The following PCNT variants were observed in gnomAD, a reference collection of about 807,000 sequenced individuals.
PCNT encodes the protein kendrin.
PCNT carries 319 observed loss-of-function variants against 380.4 expected under a neutral mutation model. The ratio of observed to expected loss-of-function variants is 0.84; its 90% CI spans 0.77 to 0.92. The LOEUF is 0.92. Ranked by LOEUF, PCNT falls within the 40% of genes least tolerant of loss-of-function variation. PCNT has a pLI of 0.00. For synonymous variants in PCNT, 1,845 were observed against 1,735.2 expected, an observed-to-expected ratio of 1.06 and a Z score of -1.57; for missense variants, 4,400 against 4,255.3, an observed-to-expected ratio of 1.03 and a Z score of -0.95.
intron 44 of PCNT, 53 bp downstream of exon 44, chr21:46,442,626 CTT>C (rs775917101): frequency 1.5e-4 from 167 of 1,125,758 alleles, no homozygotes; most frequent in Non-Finnish European, 2.0e-4. Flanking sequence ...TCTTTCTACT[CTT>C]GTTTTTCATT....
At chr21:46,412,722 C>A in intron 28 of PCNT, 115 bp from the exon 29 acceptor site, 1 of 1,094,074 alleles carries the variant, frequency 9.1e-7, no homozygotes, top group Non-Finnish European at 1.4e-6. Context: ...TCACTGCCAC[C>A]TCCCTCTGGC....
chr21:46,393,972 C>A (rs192947560), intron 21 of PCNT, among the ~76,000 whole-genome samples: 12 of 152,328 alleles, frequency 7.9e-5, no homozygotes, highest in African/African-American at 2.9e-4. Context: ...TCTCATGGAG[C>A]CCTTTCGCAG....
chr21:46,400,611 C>CTACCTCAGCTTCCT (rs2086390775), intron 25 of PCNT, among the ~76,000 whole-genome samples: 1 of 137,896 alleles, frequency 7.3e-6, no homozygotes, highest in African/African-American at 2.6e-5. Flanking sequence ...CTCCTCCTCC[C>CTACCTCAGCTTCCT]GGGTTCAAGC....
At chr21:46,324,391 G>A in intron 1 of PCNT, 109 bp downstream of exon 1, 1 of 954,526 alleles carries the variant, frequency 1.0e-6, no homozygotes, top group Non-Finnish European at 1.6e-6. Flanking sequence ...GGCGGAAGCC[G>A]CCGCGGAGGT....
chr21:46,399,760 G>A lies in PCNT; in HGVS notation c.4755G>A (p.Val1585=), dbSNP rs1421202418. 1.2e-6 allele frequency: 2 copies of A among 1,614,090 alleles called. No homozygotes were observed. Among genetic ancestry groups the A allele is most frequent in the Admixed American group, 1.7e-5 (1 of 60,018 alleles). The change falls in exon 25 of 47, where the codon GTG becomes GTA. Residue 1585 remains valine (V), a synonymous_variant. Coordinates refer to ENST00000359568, the MANE Select transcript of PCNT (RefSeq NM_006031.6). ...RKKVAQLQEE[V]EKQKNIVKGL... ...AAGTGGCCCAGCTCCAGGAAGAAGT[G>A]GAAAAACAGAAAAACATCGTGAAAG...
rs1215386323 is a variant in PCNT, at chr21:46,403,257, C to T, written c.5115+774C>T. Among the ~76,000 whole-genome samples the T allele has an allele frequency of 8.6e-5, 11 of 127,430 alleles. 1 individual carries two copies. The highest frequency in any genetic ancestry group is 1.3e-4 in the Non-Finnish European group (8 of 60,224). 83.6% of individuals were successfully genotyped at this position (127,430 alleles called of 152,430 possible). A position where few individuals can be genotyped will look rare whatever the true frequency, so the allele number is the denominator to read the frequency against. On this transcript the variant is annotated intron_variant, in intron 27 of 46. Coordinates refer to ENST00000359568, the MANE Select transcript of PCNT (RefSeq NM_006031.6). ...GCGCATGCTCGGTGAATGAACACAG[C>T]GTGGGAGAATTGTGTGTGTGGTGCC...
intron 21 of PCNT, among the ~76,000 whole-genome samples, chr21:46,395,000 C>T (rs1389211525): frequency 6.6e-6 from 1 of 152,260 alleles, no homozygotes; most frequent in Non-Finnish European, 1.5e-5. Flanking sequence ...TGGTGATGTT[C>T]TGGGCCAAGC....
rs138859869 is a variant in PCNT at position 46,384,695 on chromosome 21, C to T, written c.3313-1137C>T. On this transcript the variant is annotated intron_variant, in intron 16 of 46. Transcript: ENST00000359568. ...TAGTTCAGTGGCAGAAGCGCATTCA[C>T]GGTGTTGTGCGTTGAGCGGCGGAAA... Among the ~76,000 whole-genome samples, 228 of 151,186 alleles carry T rather than the reference C, an allele frequency of 1.5e-3. 6 individuals are homozygous for T. Among genetic ancestry groups the T allele is most frequent in the African/African-American group, 5.0e-3 (207 of 41,150 alleles).
In PCNT at chr21:46,416,803, G is replaced by A. The variant is rs752200836; in HGVS notation, c.6885G>A (p.Pro2295=). Residue 2295 remains proline, a synonymous_variant, in exon 30 of 47, where the codon CCG becomes CCA. Transcript: ENST00000359568. The part of the protein sequence containing the change: ...AALALQWAES[P]PADDHHVQRT... ...TGGCACTGCAGTGGGCCGAGTCTCC[G>A]CCGGCTGACGACCACCATGTGCAGA... 173 of 1,598,874 alleles carry A rather than the reference G, an allele frequency of 1.1e-4. No homozygotes were observed. Among genetic ancestry groups the A allele is most frequent in the African/African-American group, 2.5e-4 (19 of 74,898 alleles).
At chr21:46,372,158 G>GCACA (rs1327999278) in intron 15 of PCNT, among the ~76,000 whole-genome samples, 4 of 136,610 alleles carry the variant, frequency 2.9e-5, no homozygotes, top group African/African-American at 8.4e-5. Context: ...CCCATACAAG[G>GCACA]CACACGCACA....
In PCNT at chr21:46,353,127, C is replaced by T. The variant is rs775166006; in HGVS notation, c.1480C>T (p.Arg494Cys). 23 of 1,613,788 alleles carry T rather than the reference C, an allele frequency of 1.4e-5. No individual in the cohort carries two copies. Among genetic ancestry groups the T allele is most frequent in the East Asian group, 6.7e-5 (3 of 44,896 alleles). Residue 494 changes from arginine (R) to cysteine (C), a missense_variant, in exon 10 of 47, where the codon CGC (arginine) becomes TGC (cysteine). By Grantham distance (180) the Arg-to-Cys change is radical. Transcript: ENST00000359568. The part of the protein sequence containing the change: ...LSELHEQLLA[R>C]TSRVEDLEQL... Reference sequence around the variant, plus strand: ...AGAGCTACATGAGCAACTCCTGGCGCGCACCTCTCGTGTGGAAGATTTAGA... The same window carrying T: ...AGAGCTACATGAGCAACTCCTGGCGTGCACCTCTCGTGTGGAAGATTTAGA...
Position 46,388,887 on chromosome 21 carries a change from G to C in PCNT, c.3607+3G>C. ...CGCAGGCCTGGCCCTGTCGACAGGT[G>C]AGTGTGCCGGGACCAGCTGCCCAGC... On this transcript the variant is annotated splice_donor_region_variant and intron_variant, in intron 18 of 46. Coordinates refer to ENST00000359568, the MANE Select transcript of PCNT (RefSeq NM_006031.6). This position sits in a 1 kb window ranked among gnomAD's most constrained non-coding sequence, Gnocchi z 4.2. 2.5e-6 allele frequency: 4 copies of C among 1,595,744 alleles called. No individual in the cohort carries two copies. Among genetic ancestry groups the C allele is most frequent in the Non-Finnish European group, 3.4e-6 (4 of 1,176,226 alleles).
chr21:46,394,020 T>C (rs1270445448), intron 21 of PCNT, among the ~76,000 whole-genome samples: 1 of 152,218 alleles, frequency 6.6e-6, no homozygotes, highest in African/African-American at 2.4e-5. Context: ...TTCTCGTTGT[T>C]TCTCTGGGGT....
chr21:46,421,949 C>T, intron 31 of PCNT, 21 bp from the exon 32 acceptor site: 1 of 1,613,468 alleles, frequency 6.2e-7, no homozygotes, highest in Non-Finnish European at 8.5e-7. Flanking sequence ...GGGTGGGACC[C>T]TGACCCTGTG....
Position 46,444,024 on chromosome 21 carries a change from A to G in PCNT, c.9839+76A>G, listed in dbSNP as rs766964566. 9.0e-4 allele frequency: 1,347 copies of G among 1,494,638 alleles called. 1 individual carries two copies. Among genetic ancestry groups the G allele is most frequent in the Non-Finnish European group, 1.1e-3 (1,232 of 1,097,144 alleles). The allele number at this position is 1,494,638 out of a possible 1,614,324, so 92.6% of individuals were successfully genotyped here. On this transcript the variant is annotated intron_variant, in intron 45 of 46. Transcript: ENST00000359568. ...CCTACATAGGGCCTCAGAGAAATGCATTTTTAGTTCTGGCTTTGGCCCAGC... is the reference window on the plus strand; with the variant it reads ...CCTACATAGGGCCTCAGAGAAATGCGTTTTTAGTTCTGGCTTTGGCCCAGC...
chr21:46,427,261 T>C (rs1045263308), intron 33 of PCNT, among the ~76,000 whole-genome samples: 7 of 152,264 alleles, frequency 4.6e-5, no homozygotes, highest in African/African-American at 1.7e-4. Flanking sequence ...TCTTCTCTTC[T>C]GTCAGGGTCA....
chr21:46,418,244 C>G lies in PCNT; in HGVS notation c.6962C>G (p.Ser2321Cys), dbSNP rs754183032. Residue 2321 changes from serine to cysteine, a missense_variant, in exon 31 of 47, where the codon TCT (serine) becomes TGT (cysteine). By Grantham distance (112) the Ser-to-Cys change is moderately radical. Transcript: ENST00000359568. The part of the protein sequence containing the change: ...VEDFITTSFD[S>C]QETLSSPPPG... ...GATTTTATCACAACATCCTTTGATT[C>G]TCAAGAAACATTAAGTTCACCTCCT... 1.9e-6 allele frequency: 3 copies of G among 1,610,172 alleles called. No individual in the cohort carries two copies. The highest frequency in any genetic ancestry group is 2.2e-5 in the East Asian group (1 of 44,864).
intron 25 of PCNT, among the ~76,000 whole-genome samples, chr21:46,401,203 T>G (rs1417165672): frequency 6.6e-6 from 1 of 152,256 alleles, no homozygotes; most frequent in Non-Finnish European, 1.5e-5. Context: ...GTAATATTCA[T>G]TATATGAGCA....
intron 29 of PCNT, among the ~76,000 whole-genome samples, chr21:46,414,653 T>G (rs4819251): frequency 2.5e-5 from 2 of 80,824 alleles, no homozygotes; most frequent in Non-Finnish European, 4.8e-5. Flanking sequence ...CTCCTGGACA[T>G]GCAGCCACCC....
Sources: allele counts gnomAD v4.1 joint callset (sites outside exome capture counted in the v4.1 genomes callset), GRCh38; gene constraint gnomAD v4.1.1; non-coding constraint Gnocchi (gnomAD v3.1); transcripts MANE v1.5; gene names NCBI Gene and HGNC (gene_info 2026-07-23, HGNC 2026-07-21).